The following GPS1 variants were observed in gnomAD, a reference collection of about 807,000 sequenced individuals.
GPS1 encodes the protein COP9 signalosome complex subunit 1.
A neutral mutation model predicts 60.0 loss-of-function variants in GPS1; 11 were observed. The observed-to-expected ratio is 0.18, with a 90% CI of 0.12 to 0.30. The LOEUF (loss-of-function observed/expected upper bound fraction) is 0.30, where lower values mean the gene tolerates loss of function less well. Among genes scored for constraint, GPS1 ranks in the 10% least tolerant of loss-of-function variants. The probability of loss-of-function intolerance (pLI) is 1.00; values close to 1 mark genes in which losing one functional copy is unlikely to be tolerated. For synonymous variants in GPS1, 343 were observed against 269.8 expected (o/e 1.27, Z -2.66); for missense variants, 543 against 669.2 (o/e 0.81, Z 2.08).
chr17:82,052,269 CTG>C, intron 1 of GPS1: 4 of 1,611,714 alleles, frequency 2.5e-6, no homozygotes, highest in Non-Finnish European at 3.4e-6. Context: ...CCAGCCAGCT[CTG>C]TGTCAGGGTC....
chr17:82,056,696 C>T lies in GPS1; in HGVS notation c.1184C>T (p.Ala395Val). 6.3e-7 allele frequency: 1 copy of T among 1,594,920 alleles called. No individual in the cohort carries two copies. The highest frequency in any genetic ancestry group is 1.1e-5 in the South Asian group (1 of 88,396). ...GCAGCCTTCAATACCACGGTGGCCGCCCTGGAGGACGAGCTGACGCAGCTA... is the reference window on the plus strand; with the variant it reads ...GCAGCCTTCAATACCACGGTGGCCGTCCTGGAGGACGAGCTGACGCAGCTA... The part of the protein sequence containing the change: ...MAAAFNTTVA[A>V]LEDELTQLIL... Residue 395 changes from alanine (A) to valine (V), a missense_variant, in exon 11 of 13, where the codon GCC (alanine) becomes GTC (valine). Transcript: ENST00000578552.
chr17:82,056,388 G>A lies in GPS1; in HGVS notation c.1032G>A (p.Met344Ile), dbSNP rs755063059. The change falls in exon 9 of 13, where the codon ATG becomes ATA. Residue 344 changes from methionine to isoleucine, a missense_variant. Met to Ile is a conservative substitution (Grantham distance 10). This residue lies in a region of GPS1 where 291 missense variants were observed against 353.7 expected (regional missense o/e 0.82). Transcript: ENST00000578552. The part of the protein sequence containing the change: ...YASCLKMLDE[M>I]KDNLLLDMYL... The stretch of plus-strand genomic sequence containing the variant: ...CATGTCTCAAGATGCTGGACGAGAT[G>A]AAGGTGGGCCCCGCCTGGGGTAGGG... 10 of 1,611,482 alleles carry A rather than the reference G, an allele frequency of 6.2e-6. No homozygotes were observed. The highest frequency in any genetic ancestry group is 1.7e-5 in the Admixed American group (1 of 59,754).
At chr17:82,054,272 C>T in intron 3 of GPS1, 2 of 741,644 alleles carry the variant, frequency 2.7e-6, no homozygotes, top group South Asian at 2.0e-5. Context: ...CTGTTGGAGA[C>T]TGTGGCTCAG....
At chr17:82,053,415 G>A (rs778756825) in intron 2 of GPS1, 49 bp downstream of exon 2, 5 of 1,323,216 alleles carry the variant, frequency 3.8e-6, no homozygotes, top group Non-Finnish European at 5.0e-6. Flanking sequence ...CTGCTGAGGG[G>A]TCCAGGGCAC....
intron 6 of GPS1, chr17:82,055,494 G>T (rs1278323177): frequency 8.2e-6 from 5 of 606,934 alleles, no homozygotes; most frequent in Non-Finnish European, 1.5e-5. Flanking sequence ...GTCCTTTGCA[G>T]CCCTGCTAGC....
At position 82,057,156 on chromosome 17, in the gene GPS1, G is replaced by T; in HGVS notation, c.*29G>T. 6.4e-7 allele frequency: 1 copy of T among 1,568,742 alleles called. No homozygotes were observed. On this transcript the variant is annotated 3_prime_UTR_variant, in exon 13 of 13. Transcript: ENST00000578552. The stretch of plus-strand genomic sequence containing the variant: ...GTGAACCTTGGCCTCCAGGACATCT[G>T]CACCCCCTCCCCACCTCCACGGACC...
At position 82,053,975 on chromosome 17, in the gene GPS1, C is replaced by T; in HGVS notation, c.234C>T (p.Ala78=). The stretch of plus-strand genomic sequence containing the variant: ...TGCGGGTGGAGGCCCTGAAGATGGC[C>T]CTCTCCTTCGTGCAGAGAACCTTTA... ...PTLRVEALKM[A]LSFVQRTFNV... The change falls in exon 3 of 13, where the codon GCC becomes GCT. Residue 78 remains alanine, a synonymous_variant. Coordinates refer to ENST00000578552, the MANE Select transcript of GPS1 (RefSeq NM_001321092.3). 1 of 1,612,952 alleles carries T rather than the reference C, an allele frequency of 6.2e-7. No homozygotes were observed. The highest frequency in any genetic ancestry group is 8.5e-7 in the Non-Finnish European group (1 of 1,179,912).
upstream of GPS1, chr17:82,051,132 G>T: frequency 2.3e-6 from 3 of 1,321,982 alleles, no homozygotes; most frequent in South Asian, 6.9e-5. The surrounding 1 kb of genome is among the most constrained non-coding windows in gnomAD (Gnocchi z 4.1). Context: ...TGGCAGGGTG[G>T]GCCCTCCGCA....
rs1272110564 is a variant in GPS1 at position 82,057,297 on chromosome 17, T to C, written c.*170T>C. On this transcript the variant is annotated 3_prime_UTR_variant, in exon 13 of 13. Transcript: ENST00000578552. ...TGAGGAGGCAGGCGGCTGCTAGTTG[T>C]GGCCCTTCCTGGAAGGAGAGGCCTG... 1.1e-6 allele frequency: 1 copy of C among 872,426 alleles called. No homozygotes were observed. Among genetic ancestry groups the C allele is most frequent in the East Asian group, 2.6e-5 (1 of 37,904 alleles). The allele number at this position is 872,426 out of a possible 1,614,324, so 54.0% of individuals were successfully genotyped here.
In GPS1 at chr17:82,054,249, A is replaced by G. The variant is rs556655282; in HGVS notation, c.308+200A>G. On this transcript the variant is annotated intron_variant, in intron 3 of 12. Coordinates refer to ENST00000578552, the MANE Select transcript of GPS1 (RefSeq NM_001321092.3). Reference sequence around the variant, plus strand: ...CTGTGTGTGTGCATGCAGGGCTTTGATTCCAAGGGGAGCTGTTGGAGACTG... The same window carrying G: ...CTGTGTGTGTGCATGCAGGGCTTTGGTTCCAAGGGGAGCTGTTGGAGACTG... 46 of 739,742 alleles carry G rather than the reference A, an allele frequency of 6.2e-5. No homozygotes were observed. In the African/African-American group the frequency reaches 6.4e-4, roughly 10 times the overall value. 45.8% of individuals were successfully genotyped at this position (739,742 alleles called of 1,614,324 possible).
At position 82,053,904 on chromosome 17, in the gene GPS1, A is replaced by T. The variant is rs1304392209; in HGVS notation, c.163A>T (p.Met55Leu). ...GTACGCGGCCAGCTACAGCGGCCTG[A>T]TGCGCATCGAACGGCTGCAGTTCAT... ...EQYAASYSGL[M>L]RIERLQFIAD... The change falls in exon 3 of 13, where the codon ATG becomes TTG. Residue 55 changes from methionine to leucine, a missense_variant. Coordinates refer to ENST00000578552, the MANE Select transcript of GPS1 (RefSeq NM_001321092.3). 7.4e-6 allele frequency: 12 copies of T among 1,612,552 alleles called. No homozygotes were observed. The highest frequency in any genetic ancestry group is 9.3e-6 in the Non-Finnish European group (11 of 1,179,888).
rs561281296 is a variant in GPS1, at chr17:82,054,471, C to T, written c.309-39C>T. The T allele has an allele frequency of 6.5e-5, 94 of 1,454,956 alleles. No individual in the cohort carries two copies. The Middle Eastern group carries it at 1.8e-3, about 27-fold the overall frequency. 90.1% of individuals were successfully genotyped at this position (1,454,956 alleles called of 1,614,324 possible). A position where few individuals can be genotyped will look rare whatever the true frequency, so the allele number is the denominator to read the frequency against. On this transcript the variant is annotated intron_variant, in intron 3 of 12. Transcript: ENST00000578552. ...GCTTCCTCCCCTCCTCCCTGGCCCC[C>T]GTGACCGCCGCCATCCTGATGGCCA...
rs1296346105 is a variant in GPS1, at chr17:82,057,148, G to A, written c.*21G>A. The A allele has an allele frequency of 1.9e-6, 3 of 1,567,416 alleles. No homozygotes were observed. The highest frequency in any genetic ancestry group is 4.5e-5 in the East Asian group (2 of 44,414). On this transcript the variant is annotated 3_prime_UTR_variant, in exon 13 of 13. Coordinates refer to ENST00000578552, the MANE Select transcript of GPS1 (RefSeq NM_001321092.3). ...TGTGAGGGGTGAACCTTGGCCTCCA[G>A]GACATCTGCACCCCCTCCCCACCTC...
chr17:82,057,131 G>A lies in GPS1; in HGVS notation c.*4G>A, dbSNP rs773849713. 6.4e-7 allele frequency: 1 copy of A among 1,568,780 alleles called. No individual in the cohort carries two copies. Among genetic ancestry groups the A allele is most frequent in the African/African-American group, 1.3e-5 (1 of 74,220 alleles). ...CCGGATGAGCACCAACATGTGAGGG[G>A]TGAACCTTGGCCTCCAGGACATCTG... is the stretch of plus-strand genomic sequence containing the variant. On this transcript the variant is annotated 3_prime_UTR_variant, in exon 13 of 13. Transcript: ENST00000578552.
intron 6 of GPS1, 72 bp from the exon 7 acceptor site, chr17:82,055,668 C>T (rs1453479943): frequency 1.2e-5 from 13 of 1,064,524 alleles, no homozygotes; most frequent in Admixed American, 6.2e-5. Flanking sequence ...GGTTTCCAGG[C>T]GTTAGCGGCT....
chr17:82,051,376 C>A (rs765965375), upstream of GPS1: 7 of 1,447,592 alleles, frequency 4.8e-6, no homozygotes, highest in East Asian at 1.4e-4. The surrounding 1 kb of genome is among the most constrained non-coding windows in gnomAD (Gnocchi z 4.1). Context: ...GCTTCTGGGG[C>A]GCTGCCCAGG....
chr17:82,057,389 C>G lies in GPS1; in HGVS notation c.*262C>G, dbSNP rs985175392. The G allele has an allele frequency of 3.0e-6, 2 of 669,142 alleles. No homozygotes were observed. Among genetic ancestry groups the G allele is most frequent in the Admixed American group, 2.1e-5 (1 of 48,714 alleles). The allele number at this position is 669,142 out of a possible 1,614,324, so 41.5% of individuals were successfully genotyped here. A position where few individuals can be genotyped will look rare whatever the true frequency, so the allele number is the denominator to read the frequency against. On this transcript the variant is annotated 3_prime_UTR_variant, in exon 13 of 13. Transcript: ENST00000578552. ...TGTGCGGCACCCAGGCCCAGTGGCA[C>G]CATTTCCCAGACCCCTCCTGTTCCC... is the stretch of plus-strand genomic sequence containing the variant.
At position 82,052,948 on chromosome 17, in the gene GPS1, AG is replaced by A. The variant is rs2031332700; in HGVS notation, c.34-322del. On this transcript the variant is annotated intron_variant, in intron 1 of 12. Coordinates refer to ENST00000578552, the MANE Select transcript of GPS1 (RefSeq NM_001321092.3). ...ATCAGGATGGTGGCTGGGAACGTGT[AG>A]GGGCCCTCAGAGGCCCCTGTGTAGT... 17 of 260,438 alleles carry A rather than the reference AG, an allele frequency of 6.5e-5. No homozygotes were observed. The South Asian group carries it at 1.4e-3, about 22-fold the overall frequency. 16.1% of individuals were successfully genotyped at this position (260,438 alleles called of 1,614,324 possible). A position where few individuals can be genotyped will look rare whatever the true frequency, so the allele number is the denominator to read the frequency against.
chr17:82,053,796 C>A, intron 2 of GPS1, 72 bp from the exon 3 acceptor site: 1 of 1,476,954 alleles, frequency 6.8e-7, no homozygotes, highest in Non-Finnish European at 9.2e-7. Context: ...GGCCCCAACT[C>A]CTGACCCTCA....
Sources: gnomAD v4.1 joint callset for allele counts on GRCh38, gnomAD v4.1.1 for gene constraint, gnomAD v4.1.1 regional missense constraint, Gnocchi (gnomAD v3.1) non-coding constraint, MANE v1.5 for transcripts, NCBI Gene and HGNC (gene_info 2026-07-23, HGNC 2026-07-21) for gene names.